The following PATJ variants were observed in gnomAD, a reference collection of about 807,000 sequenced individuals.
The protein encoded by PATJ is PATJ crumbs cell polarity complex component, also known as inaD-like protein.
A neutral mutation model predicts 224.9 loss-of-function variants in PATJ; 190 were observed. The ratio of observed to expected loss-of-function variants is 0.84; its 90% CI spans 0.75 to 0.95. PATJ has a LOEUF of 0.95. Ranked by LOEUF, PATJ falls within the 40% of genes least tolerant of loss-of-function variation. The probability of loss-of-function intolerance (pLI) is 0.00; values close to 1 mark genes in which losing one functional copy is unlikely to be tolerated. For synonymous variants in PATJ, 769 were observed against 820.3 expected, an observed-to-expected ratio of 0.94 and a Z score of 1.07; for missense variants, 2,121 against 2,270.3, an observed-to-expected ratio of 0.93 and a Z score of 1.34.
chr1:61,827,424 C>T lies in PATJ; in HGVS notation c.1821C>T (p.Val607=). Residue 607 remains valine, a splice_region_variant and synonymous_variant, in exon 16 of 44, where the codon GTC becomes GTT. Coordinates refer to ENST00000642238, the MANE Select transcript of PATJ (RefSeq NM_001350145.3). Reference sequence around the variant, plus strand: ...GACTTATCCCCTTGTCTTCCTAGGTCAATGGCATGCAGCTTTATGGAAAAT... The same window carrying T: ...GACTTATCCCCTTGTCTTCCTAGGTTAATGGCATGCAGCTTTATGGAAAAT... ...LLQPEDELLE[V]NGMQLYGKSR... is the part of the protein sequence containing the mutation. 3 of 1,613,596 alleles carry T rather than the reference C, an allele frequency of 1.9e-6. No individual in the cohort carries two copies. Among genetic ancestry groups the T allele is most frequent in the Non-Finnish European group, 1.7e-6 (2 of 1,179,776 alleles).
rs577090627 is a variant in PATJ at position 61,951,559 on chromosome 1, G to A, written c.3670+23730G>A. 1.1e-4 allele frequency among the ~76,000 whole-genome samples: 16 copies of A among 152,112 alleles called. No homozygotes were observed. The South Asian group carries it at 3.1e-3, about 30-fold the overall frequency. On this transcript the variant is annotated intron_variant, in intron 27 of 43. Transcript: ENST00000642238. ...GGTGTGTGGGGGGTAGGGTAGGGTA[G>A]GGGGTGCACTGTAGCACTTTGAGTG...
intron 1 of PATJ, among the ~76,000 whole-genome samples, chr1:61,754,318 A>G (rs1477883254): frequency 1.3e-5 from 2 of 152,188 alleles, no homozygotes; most frequent in East Asian, 3.8e-4. Context: ...TGAGTGAGAC[A>G]TAGGTTCCAT....
chr1:61,922,934 C>T (rs945480663), intron 26 of PATJ, among the ~76,000 whole-genome samples: 1 of 152,218 alleles, frequency 6.6e-6, no homozygotes, highest in African/African-American at 2.4e-5. Context: ...CTACTCCAGC[C>T]ACATCTGGGA....
intron 17 of PATJ, among the ~76,000 whole-genome samples, chr1:61,834,847 G>C (rs959617888): frequency 6.6e-6 from 1 of 152,064 alleles, no homozygotes; most frequent in African/African-American, 2.4e-5. Context: ...TACTGCCTTA[G>C]TGTCTTGAGT....
chr1:62,003,903 C>G (rs983162266), intron 28 of PATJ, among the ~76,000 whole-genome samples: 26 of 152,154 alleles, frequency 1.7e-4, no homozygotes, highest in African/African-American at 6.0e-4. Flanking sequence ...TCTCTCCTCC[C>G]CACCCCGAAA....
At chr1:61,939,122 CAAAAAA>C (rs560139042) in intron 27 of PATJ, among the ~76,000 whole-genome samples, 1 of 57,482 alleles carries the variant, frequency 1.7e-5, no homozygotes. Flanking sequence ...GACTCCATCT[CAAAAAA>C]AAAAAAAAAA....
rs1051810369 is a variant in PATJ, at chr1:61,857,813, G to A, written c.2322+1574G>A. Among the ~76,000 whole-genome samples, 10 of 152,214 alleles carry A rather than the reference G, an allele frequency of 6.6e-5. No homozygotes were observed. In the Middle Eastern group the frequency reaches 0.01, roughly 155 times the overall value. The stretch of plus-strand genomic sequence containing the variant: ...AGAATTTTGTACTTTGAGAAACATC[G>A]TACTAGTAATTTGATCAATAGGTAT... On this transcript the variant is annotated intron_variant, in intron 18 of 43. Coordinates refer to ENST00000642238, the MANE Select transcript of PATJ (RefSeq NM_001350145.3).
At chr1:61,869,146 G>A (rs1005653730) in intron 20 of PATJ, among the ~76,000 whole-genome samples, 33 of 128,334 alleles carry the variant, frequency 2.6e-4, no homozygotes, top group East Asian at 4.7e-4. Context: ...TCGCTCTGTC[G>A]CCCAGGCTGG....
At chr1:61,847,385 G>A (rs543620766) in intron 17 of PATJ, among the ~76,000 whole-genome samples, 87 of 152,202 alleles carry the variant, frequency 5.7e-4, no homozygotes, top group African/African-American at 2.0e-3. Flanking sequence ...TTTCTGTGCT[G>A]TGCTTACTGT....
intron 16 of PATJ, 95 bp from the exon 17 acceptor site, chr1:61,833,559 A>C: frequency 8.1e-7 from 1 of 1,231,418 alleles, no homozygotes; most frequent in Non-Finnish European, 1.1e-6. Flanking sequence ...GAGAATTCTC[A>C]GTTTGAGAAG....
chr1:61,772,572 GAA>G (rs1646680696), intron 6 of PATJ, among the ~76,000 whole-genome samples: 1 of 151,950 alleles, frequency 6.6e-6, no homozygotes, highest in South Asian at 2.1e-4. Context: ...TGGGACAAAA[GAA>G]AAAATAAGAC....
At chr1:61,863,460 A>G (rs1664947244) in intron 19 of PATJ, among the ~76,000 whole-genome samples, 1 of 152,158 alleles carries the variant, frequency 6.6e-6, no homozygotes, top group South Asian at 2.1e-4. Flanking sequence ...TAAAATAGGA[A>G]AGATCTTTGA....
intron 28 of PATJ, among the ~76,000 whole-genome samples, chr1:62,004,915 C>A (rs1249117826): frequency 6.6e-6 from 1 of 152,110 alleles, no homozygotes; most frequent in African/African-American, 2.4e-5. Context: ...AAATAGGTTG[C>A]ATGAAATTTG....
intron 9 of PATJ, among the ~76,000 whole-genome samples, chr1:61,793,134 C>T (rs375914776): frequency 1.3e-5 from 2 of 152,034 alleles, no homozygotes; most frequent in East Asian, 3.9e-4. Flanking sequence ...AGTGCAGTGG[C>T]GTGATCTTGG....
At chr1:62,136,648 CGTGTGTGTGTGTGTGTCTGTGTGT>C (rs1177702112) in intron 41 of PATJ, among the ~76,000 whole-genome samples, 20 of 71,306 alleles carry the variant, frequency 2.8e-4, no homozygotes, top group East Asian at 1.5e-3. Context: ...TTATGTTTTG[CGTGTGTGTGTGTGTGTCTGTGTGT>C]GTGTGTGTGT....
At chr1:61,908,736 A>C (rs567802096) in intron 25 of PATJ, among the ~76,000 whole-genome samples, 1 of 152,214 alleles carries the variant, frequency 6.6e-6, no homozygotes, top group Admixed American at 6.5e-5. Context: ...CCTGTTTTCA[A>C]TTTCTTGATT....
chr1:61,951,466 G>A (rs529131803), intron 27 of PATJ, among the ~76,000 whole-genome samples: 33 of 151,868 alleles, frequency 2.2e-4, no homozygotes, highest in African/African-American at 7.7e-4. Context: ...ATTTTACAAA[G>A]AAAGATTATA....
intron 4 of PATJ, 144 bp downstream of exon 4, chr1:61,766,617 T>G (rs912007771): frequency 3.8e-6 from 2 of 523,090 alleles, no homozygotes; most frequent in Non-Finnish European, 6.4e-6. Flanking sequence ...TAGGAGAAAC[T>G]GACACCATTT....
chr1:61,937,323 C>A (rs1005892251), intron 27 of PATJ, among the ~76,000 whole-genome samples: 1 of 152,132 alleles, frequency 6.6e-6, no homozygotes, highest in Non-Finnish European at 1.5e-5. Context: ...ACCTTGACCT[C>A]CTGAGCTCAA....
Sources: gnomAD v4.1 joint callset for allele counts (sites outside exome capture counted in the v4.1 genomes callset) on GRCh38, gnomAD v4.1.1 for gene constraint, MANE v1.5 for transcripts, NCBI Gene and HGNC (gene_info 2026-07-23, HGNC 2026-07-21) for gene names.